TCTN1: variants seen among roughly 807,000 people sequenced by gnomAD.
The protein encoded by TCTN1 is tectonic-1.
TCTN1 carries 58 observed loss-of-function variants against 65.8 expected under a neutral mutation model. The ratio of observed to expected loss-of-function variants is 0.88; its 90% CI spans 0.71 to 1.10. The LOEUF (loss-of-function observed/expected upper bound fraction) is 1.10. Among genes scored for constraint, TCTN1 ranks in the 50% least tolerant of loss-of-function variants. The probability of loss-of-function intolerance (pLI) is 0.00; values close to 1 mark genes in which losing one functional copy is unlikely to be tolerated. For missense variants in TCTN1, 645 were observed against 719.4 expected (o/e 0.90, Z 1.18); for synonymous variants, 273 against 289.1 (o/e 0.94, Z 0.57).
chr12:110,633,903 C>G (rs2066391094), intron 5 of TCTN1, among the ~76,000 whole-genome samples: 1 of 152,172 alleles, frequency 6.6e-6, no homozygotes, highest in African/African-American at 2.4e-5. Context: ...GGAGTTGATC[C>G]TACAGAAATG....
At chr12:110,646,678 C>T (rs2067324543) in intron 12 of TCTN1, 2 of 197,128 alleles carry the variant, frequency 1.0e-5, no homozygotes, top group South Asian at 8.6e-5. Context: ...TGACAACATA[C>T]GGACACTGCC....
rs1475897670 is a variant in TCTN1 at position 110,644,284 on chromosome 12, T to G, written c.1332-683T>G. On this transcript the variant is annotated intron_variant, in intron 11 of 14. Coordinates refer to ENST00000397659, the MANE Select transcript of TCTN1 (RefSeq NM_001082538.3). The surrounding 1 kb of genome is among the most constrained non-coding windows in gnomAD (Gnocchi z 4.6). Reference sequence around the variant, plus strand: ...GAAACACTGTTTTAGACTCATCATCTCACAGGTAAAGATTTTGCAAAGTTA... The same window carrying G: ...GAAACACTGTTTTAGACTCATCATCGCACAGGTAAAGATTTTGCAAAGTTA... 6.5e-6 allele frequency: 1 copy of G among 154,544 alleles called. No individual in the cohort carries two copies. The highest frequency in any genetic ancestry group is 2.4e-5 in the African/African-American group (1 of 41,456). 9.6% of individuals were successfully genotyped at this position (154,544 alleles called of 1,614,324 possible). A position where few individuals can be genotyped will look rare whatever the true frequency, so the allele number is the denominator to read the frequency against.
At position 110,632,496 on chromosome 12, in the gene TCTN1, G is replaced by T; in HGVS notation, c.649G>T (p.Asp217Tyr). Reference protein sequence around the residue: ...YEYGVPLQTSDSFLRFPSSLT... With the variant: ...YEYGVPLQTSYSFLRFPSSLT... ...GTATGGGGTTCCTCTGCAGACTTCAGATTCGTTTCTGAGATTTCCTTCGTC... is the reference window on the plus strand; with the variant it reads ...GTATGGGGTTCCTCTGCAGACTTCATATTCGTTTCTGAGATTTCCTTCGTC... The change falls in exon 5 of 15, where the codon GAT (aspartate) becomes TAT (tyrosine). Residue 217 changes from aspartate (D) to tyrosine (Y), a missense_variant. Asp to Tyr is a radical substitution (Grantham distance 160). Transcript: ENST00000397659. 6.2e-7 allele frequency: 1 copy of T among 1,614,032 alleles called. No homozygotes were observed. The highest frequency in any genetic ancestry group is 1.1e-5 in the South Asian group (1 of 91,072).
chr12:110,644,812 G>C lies in TCTN1; in HGVS notation c.1332-155G>C. ...GCCCAGGAGTTTGAGGCTGCAGGGA[G>C]CTATGATGGTGCCACTGCACTCCAG... On this transcript the variant is annotated intron_variant, in intron 11 of 14. Transcript: ENST00000397659. This position sits in a 1 kb window ranked among gnomAD's most constrained non-coding sequence, Gnocchi z 4.6. 1 of 914,944 alleles carries C rather than the reference G, an allele frequency of 1.1e-6. No homozygotes were observed. Among genetic ancestry groups the C allele is most frequent in the Non-Finnish European group, 1.7e-6 (1 of 577,826 alleles). The allele number at this position is 914,944 out of a possible 1,614,324, so 56.7% of individuals were successfully genotyped here. A position where few individuals can be genotyped will look rare whatever the true frequency, so the allele number is the denominator to read the frequency against.
At chr12:110,617,275 A>G (rs2065107819) in intron 1 of TCTN1, among the ~76,000 whole-genome samples, 1 of 152,116 alleles carries the variant, frequency 6.6e-6, no homozygotes, top group Non-Finnish European at 1.5e-5. Context: ...ATCATGGCAT[A>G]TTAACAAAAC....
At chr12:110,638,225 G>A (rs2066713449) in intron 7 of TCTN1, among the ~76,000 whole-genome samples, 2 of 152,126 alleles carry the variant, frequency 1.3e-5, no homozygotes, top group African/African-American at 2.4e-5. Context: ...CCATGTGACA[G>A]GCTTCACACA....
chr12:110,622,872 C>A (rs2065538750), intron 2 of TCTN1, among the ~76,000 whole-genome samples: 1 of 152,156 alleles, frequency 6.6e-6, no homozygotes, highest in Admixed American at 6.6e-5. Flanking sequence ...GGCAGAGAAC[C>A]AAGTAAAAAG....
At chr12:110,617,043 A>G (rs2065089302) in intron 1 of TCTN1, 1 of 152,236 alleles carries the variant, frequency 6.6e-6, no homozygotes, top group African/African-American at 2.4e-5. Flanking sequence ...ATTAAACACT[A>G]TTGCTTCGTC....
chr12:110,633,423 C>T (rs1183100417), intron 5 of TCTN1, among the ~76,000 whole-genome samples: 2 of 152,118 alleles, frequency 1.3e-5, no homozygotes, highest in African/African-American at 4.8e-5. Flanking sequence ...GGGCAGATTG[C>T]TTGAGATTAG....
Position 110,645,002 on chromosome 12 carries a change from A to G in TCTN1, c.1367A>G (p.Gln456Arg). ...TGALPCQLVAQKVKSLLWGQG... is the reference protein window; with the variant it reads ...TGALPCQLVARKVKSLLWGQG... Reference sequence around the variant, plus strand: ...GCTCTCCCGTGTCAGCTCGTAGCACAGAAGGTGAAGAGCCTGCTGTGGGGC... The same window carrying G: ...GCTCTCCCGTGTCAGCTCGTAGCACGGAAGGTGAAGAGCCTGCTGTGGGGC... The change falls in exon 12 of 15, where the codon CAG becomes CGG. Residue 456 changes from glutamine to arginine, a missense_variant. Gln to Arg is a conservative substitution (Grantham distance 43). Transcript: ENST00000397659. 6.2e-7 allele frequency: 1 copy of G among 1,614,236 alleles called. No individual in the cohort carries two copies. The highest frequency in any genetic ancestry group is 8.5e-7 in the Non-Finnish European group (1 of 1,180,044).
intron 6 of TCTN1, among the ~76,000 whole-genome samples, 180 bp downstream of exon 6, chr12:110,634,959 A>G (rs189323596): frequency 6.6e-6 from 1 of 152,276 alleles, no homozygotes; most frequent in Non-Finnish European, 1.5e-5. Context: ...TTATTTTTTT[A>G]TAGTTAGCTC....
At position 110,614,417 on chromosome 12, in the gene TCTN1, C is replaced by A; in HGVS notation, c.220+15C>A. The A allele has an allele frequency of 1.9e-6, 3 of 1,582,714 alleles. No homozygotes were observed. The highest frequency in any genetic ancestry group is 1.8e-5 in the Admixed American group (1 of 55,384). ...AGTCACGGACGGTGGGTACCATGTG[C>A]CAGCTCCTGGAGTCCACAGTGATCC... On this transcript the variant is annotated intron_variant, in intron 1 of 14. Transcript: ENST00000397659.
intron 4 of TCTN1, 136 bp from the exon 5 acceptor site, chr12:110,632,336 A>G (rs2066288872): frequency 3.6e-6 from 3 of 837,246 alleles, no homozygotes; most frequent in Non-Finnish European, 4.1e-6. Flanking sequence ...TCTTGAGGGC[A>G]AGGACCACAT....
Position 110,640,935 on chromosome 12 carries a change from G to T in TCTN1, c.979-89G>T. On this transcript the variant is annotated intron_variant, in intron 8 of 14. Transcript: ENST00000397659. The surrounding 1 kb of genome is among the most constrained non-coding windows in gnomAD (Gnocchi z 4.9). ...TTCAACACATGGAGAAACAGGGAAA[G>T]ATTTGCTATCTATGGGTGTTTTCAG... is the stretch of plus-strand genomic sequence containing the variant. 1 of 1,575,246 alleles carries T rather than the reference G, an allele frequency of 6.3e-7. No homozygotes were observed. The highest frequency in any genetic ancestry group is 8.7e-7 in the Non-Finnish European group (1 of 1,148,320).
In TCTN1 at chr12:110,644,987, G is replaced by A. The variant is rs748672315; in HGVS notation, c.1352G>A (p.Cys451Tyr). 6.2e-7 allele frequency: 1 copy of A among 1,614,246 alleles called. No individual in the cohort carries two copies. Among genetic ancestry groups the A allele is most frequent in the South Asian group, 1.1e-5 (1 of 91,082 alleles). The part of the protein sequence containing the change: ...CKLRLTGALP[C>Y]QLVAQKVKSL... ...CCAAGACTGACTGGAGCTCTCCCGT[G>A]TCAGCTCGTAGCACAGAAGGTGAAG... Residue 451 changes from cysteine (C) to tyrosine (Y), a missense_variant, in exon 12 of 15, where the codon TGT becomes TAT. Coordinates refer to ENST00000397659, the MANE Select transcript of TCTN1 (RefSeq NM_001082538.3). This position sits in a 1 kb window ranked among gnomAD's most constrained non-coding sequence, Gnocchi z 4.6.
intron 10 of TCTN1, 51 bp downstream of exon 10, chr12:110,641,678 G>A (rs374720979): frequency 1.8e-5 from 28 of 1,549,950 alleles, no homozygotes; most frequent in Non-Finnish European, 2.1e-5. Context: ...CTCCATGTGC[G>A]TGGGCTGCAC....
At chr12:110,646,980 A>T in intron 12 of TCTN1, 1 of 570,804 alleles carries the variant, frequency 1.8e-6, no homozygotes, top group Non-Finnish European at 3.1e-6. Context: ...ATAGGAGGAG[A>T]TGGAAAAATT....
At chr12:110,624,089 A>AT (rs1246476920) in intron 2 of TCTN1, among the ~76,000 whole-genome samples, 436 of 129,552 alleles carry the variant, frequency 3.4e-3, no homozygotes, top group Middle Eastern at 0.011. Context: ...CTATCTGTCT[A>AT]TTTTTTTTTT....
intron 13 of TCTN1, 28 bp from the exon 14 acceptor site, chr12:110,647,721 G>A (rs377631461): frequency 1.2e-6 from 2 of 1,614,104 alleles, no homozygotes; most frequent in Non-Finnish European, 8.5e-7. Flanking sequence ...ACTGGAGGGT[G>A]GGCCTTGCAT....
Sources: gnomAD v4.1 joint callset for allele counts (sites outside exome capture counted in the v4.1 genomes callset) on GRCh38, gnomAD v4.1.1 for gene constraint, Gnocchi (gnomAD v3.1) non-coding constraint, MANE v1.5 for transcripts, NCBI Gene and HGNC (gene_info 2026-07-23, HGNC 2026-07-21) for gene names.